The following HTT variants were observed in gnomAD, a reference collection of about 807,000 sequenced individuals.
HTT encodes huntingtin.
In HTT, 104 loss-of-function variants were observed where a neutral mutation model predicts 362.3. That is an observed-to-expected ratio of 0.29 (90% CI 0.24 to 0.34). HTT has a LOEUF of 0.34. Ranked by LOEUF, HTT falls within the 10% of genes least tolerant of loss-of-function variation. The pLI, the probability that HTT is intolerant of heterozygous loss-of-function variation, is 1.00. For missense variants in HTT, 3,301 were observed against 3,928.6 expected (o/e 0.84, Z 4.27); for synonymous variants, 1,577 against 1,548.7 (o/e 1.02, Z -0.43).
chr4:3,136,799 C>T (rs1294136323), intron 21 of HTT, among the ~76,000 whole-genome samples: 2 of 151,932 alleles, frequency 1.3e-5, no homozygotes, highest in East Asian at 1.9e-4. Context: ...TTTTGCTATG[C>T]GGTTGGGATA....
intron 12 of HTT, 162 bp from the exon 13 acceptor site, chr4:3,129,762 G>GT: frequency 2.7e-6 from 2 of 750,454 alleles, no homozygotes; most frequent in Non-Finnish European, 4.4e-6. Flanking sequence ...GCTCTTAGCA[G>GT]TTTCCATGCG....
In HTT at chr4:3,228,112, C is replaced by T. The variant is rs13129316; in HGVS notation, c.7849-503C>T. The stretch of plus-strand genomic sequence containing the variant: ...AGCCCACAGCACTGTGCCAAGTGCT[C>T]GAGGCTTCCCGAGAACCAGGCAGAA... On this transcript the variant is annotated intron_variant, in intron 57 of 66. Transcript: ENST00000355072. The surrounding 1 kb of genome is among the most constrained non-coding windows in gnomAD (Gnocchi z 4.3). Among the ~76,000 whole-genome samples, 3 of 152,150 alleles carry T rather than the reference C, an allele frequency of 2.0e-5. No individual in the cohort carries two copies. Among genetic ancestry groups the T allele is most frequent in the South Asian group, 4.1e-4 (2 of 4,826 alleles).
chr4:3,182,359 G>A lies in HTT; in HGVS notation c.4755G>A (p.Leu1585=). The stretch of plus-strand genomic sequence containing the variant: ...AATTGTGCACGCTCTTATAGGTGTT[G>A]GAGATGTTCATTCTTGTCCTGCAGC... ...LLRLIQYHQV[L]EMFILVLQQC... The change falls in exon 37 of 67, where the codon TTG becomes TTA. Residue 1585 remains leucine, a synonymous_variant. Coordinates refer to ENST00000355072, the MANE Select transcript of HTT (RefSeq NM_001388492.1). 1 of 1,609,350 alleles carries A rather than the reference G, an allele frequency of 6.2e-7. No individual in the cohort carries two copies. Among genetic ancestry groups the A allele is most frequent in the Non-Finnish European group, 8.5e-7 (1 of 1,175,668 alleles).
At chr4:3,229,099 C>T (rs1721069806) in intron 59 of HTT, 90 bp downstream of exon 59, 5 of 1,316,790 alleles carry the variant, frequency 3.8e-6, no homozygotes, top group Non-Finnish European at 5.3e-6. Flanking sequence ...CGCCCACACA[C>T]ATGCCACTTG....
intron 36 of HTT, chr4:3,180,881 CTT>C (rs1288249776): frequency 1.5e-4 from 28 of 186,210 alleles, no homozygotes; most frequent in South Asian, 3.8e-4. Context: ...GGTGTGTATC[CTT>C]TTTTTTTTTT....
chr4:3,098,157 A>T (rs564135445), intron 2 of HTT, among the ~76,000 whole-genome samples: 2 of 152,324 alleles, frequency 1.3e-5, no homozygotes, highest in South Asian at 4.1e-4. Flanking sequence ...TGTTTGAATG[A>T]TCTATCATTT....
intron 12 of HTT, chr4:3,128,922 A>C (rs1003294490): frequency 6.6e-6 from 1 of 151,976 alleles, no homozygotes; most frequent in Non-Finnish European, 1.5e-5. Context: ...TTCCCATTGA[A>C]CTCTATTCCT....
chr4:3,074,992 C>G lies in HTT; in HGVS notation c.167C>G (p.Pro56Arg). ...PPPPQLPQPP[P>R]QAQPLLPQPQ... ...CCTCCTCAGCTTCCTCAGCCGCCGC[C>G]GCAGGCACAGCCGCTGCTGCCTCAG... The change falls in exon 1 of 67, where the codon CCG (proline) becomes CGG (arginine). Residue 56 changes from proline (P) to arginine (R), a missense_variant. Physicochemically the swap from Pro to Arg is moderately radical, Grantham distance 103. This residue lies in a region of HTT where 2,316 missense variants were observed against 2,658.5 expected (regional missense o/e 0.87). Coordinates refer to ENST00000355072, the MANE Select transcript of HTT (RefSeq NM_001388492.1). 1 of 1,469,300 alleles carries G rather than the reference C, an allele frequency of 6.8e-7. No individual in the cohort carries two copies. The highest frequency in any genetic ancestry group is 9.0e-7 in the Non-Finnish European group (1 of 1,113,118). The allele number at this position is 1,469,300 out of a possible 1,614,324, so 91.0% of individuals were successfully genotyped here. A position where few individuals can be genotyped will look rare whatever the true frequency, so the allele number is the denominator to read the frequency against.
At chr4:3,167,726 A>G (rs1717783907) in intron 29 of HTT, among the ~76,000 whole-genome samples, 1 of 152,236 alleles carries the variant, frequency 6.6e-6, no homozygotes, top group South Asian at 2.1e-4. Context: ...GTTGATCTTT[A>G]TATTCTTGAA....
rs1331388800 is a variant in HTT, at chr4:3,238,862, G to A, written c.9099G>A (p.Arg3033=). 1.9e-6 allele frequency: 3 copies of A among 1,612,694 alleles called. No homozygotes were observed. Among genetic ancestry groups the A allele is most frequent in the African/African-American group, 2.7e-5 (2 of 74,872 alleles). Residue 3033 remains arginine, a synonymous_variant, in exon 66 of 67, where the codon CGG becomes CGA. Transcript: ENST00000355072. ...GCACCGGGCAGTCGTCCATGGTCCG[G>A]GACTGGGTCATGCTGTCCCTCTCCA... is the stretch of plus-strand genomic sequence containing the variant. ...LHSTGQSSMV[R]DWVMLSLSNF... is the part of the protein sequence containing the mutation.
intron 29 of HTT, among the ~76,000 whole-genome samples, chr4:3,160,608 T>C (rs946247186): frequency 6.6e-6 from 1 of 152,226 alleles, no homozygotes; most frequent in Non-Finnish European, 1.5e-5. Flanking sequence ...TTGTCTGTTA[T>C]CATGTATTAG....
intron 1 of HTT, among the ~76,000 whole-genome samples, chr4:3,078,964 T>G (rs570959253): frequency 1.3e-5 from 2 of 152,320 alleles, no homozygotes; most frequent in South Asian, 4.1e-4. Context: ...CTTGATCTCC[T>G]GACCTCGTCA....
chr4:3,081,225 C>T (rs1051093509), intron 1 of HTT, among the ~76,000 whole-genome samples: 1 of 152,146 alleles, frequency 6.6e-6, no homozygotes, highest in Non-Finnish European at 1.5e-5. Flanking sequence ...CATGGGCAAA[C>T]TTTGTGTAAA....
intron 9 of HTT, among the ~76,000 whole-genome samples, chr4:3,122,102 C>G (rs1715322701): frequency 6.6e-6 from 1 of 152,220 alleles, no homozygotes; most frequent in Admixed American, 6.5e-5. Context: ...CCTGGCCTGA[C>G]TTGAGAAAAT....
In HTT at chr4:3,136,220, C is replaced by T. The variant is rs748707078; in HGVS notation, c.2698-6C>T. ...ATGTTTATTTTTATTATCCTTCTCT[C>T]TAAAGCTTTTAAAACTGCAAGAACG... On this transcript the variant is annotated splice_region_variant and splice_polypyrimidine_tract_variant and intron_variant, in intron 20 of 66. Transcript: ENST00000355072. 22 of 1,581,180 alleles carry T rather than the reference C, an allele frequency of 1.4e-5. No homozygotes were observed. The African/African-American group carries it at 2.2e-4, about 16-fold the overall frequency.
rs760767365 is a variant in HTT, at chr4:3,177,316, A to G, written c.4408-16A>G. On this transcript the variant is annotated splice_polypyrimidine_tract_variant and intron_variant, in intron 33 of 66. Coordinates refer to ENST00000355072, the MANE Select transcript of HTT (RefSeq NM_001388492.1). ...AATCCTATTATTGATGTGAAATTTT[A>G]TTTTCCTTCCTGTAGGTGTTTATTG... 1 of 1,577,556 alleles carries G rather than the reference A, an allele frequency of 6.3e-7. No homozygotes were observed. Among genetic ancestry groups the G allele is most frequent in the Non-Finnish European group, 8.7e-7 (1 of 1,153,228 alleles).
Position 3,212,697 on chromosome 4 carries a change from G to A in HTT, c.6762G>A (p.Val2254=), listed in dbSNP as rs1435180510. The change falls in exon 49 of 67, where the codon GTG becomes GTA. Residue 2254 remains valine (V), a synonymous_variant. Transcript: ENST00000355072. The part of the protein sequence containing the change: ...EKEKDIVKFV[V]ATLEALSWHL... The stretch of plus-strand genomic sequence containing the variant: ...AGAAGGACATTGTGAAATTCGTGGT[G>A]GCAACCCTTGAGGTAAGAGGCAGCT... The A allele has an allele frequency of 1.2e-6, 2 of 1,614,198 alleles. No homozygotes were observed. The highest frequency in any genetic ancestry group is 1.7e-6 in the Non-Finnish European group (2 of 1,180,034).
At chr4:3,128,883 C>T (rs1251611748) in intron 12 of HTT, 2 of 152,170 alleles carry the variant, frequency 1.3e-5, no homozygotes, top group Non-Finnish European at 2.9e-5. Flanking sequence ...ATCTCTGTAA[C>T]CTTTTGATCA....
intron 36 of HTT, among the ~76,000 whole-genome samples, chr4:3,181,260 T>G (rs903810079): frequency 2.6e-5 from 4 of 152,156 alleles, no homozygotes; most frequent in African/African-American, 7.2e-5. Flanking sequence ...TCGTTCAAGA[T>G]AGTGAGGCCC....
Sources: allele counts gnomAD v4.1 joint callset (sites outside exome capture counted in the v4.1 genomes callset), GRCh38; gene constraint gnomAD v4.1.1; regional missense constraint gnomAD v4.1.1; non-coding constraint Gnocchi (gnomAD v3.1); transcripts MANE v1.5; gene names NCBI Gene and HGNC (gene_info 2026-07-23, HGNC 2026-07-21).